Variants in SKI observed in about 807,000 individuals in gnomAD.
SKI encodes the protein ski oncogene.
A neutral mutation model predicts 59.3 loss-of-function variants in SKI; 23 were observed. The ratio of observed to expected loss-of-function variants is 0.39; its 90% CI spans 0.28 to 0.55. SKI has a LOEUF of 0.55. Ranked by LOEUF, SKI falls within the 20% of genes least tolerant of loss-of-function variation. The pLI, the probability that SKI is intolerant of heterozygous loss-of-function variation, is 0.67. For synonymous variants in SKI, 673 were observed against 488.6 expected, an observed-to-expected ratio of 1.38 and a Z score of -4.98; for missense variants, 1,017 against 1,038.9, an observed-to-expected ratio of 0.98 and a Z score of 0.29.
Position 2,304,375 on chromosome 1 carries a change from T to C in SKI, c.1557T>C (p.Arg519=). The C allele has an allele frequency of 1.3e-6, 2 of 1,551,892 alleles. No homozygotes were observed. The highest frequency in any genetic ancestry group is 1.2e-5 in the South Asian group (1 of 84,138). Residue 519 remains arginine, a synonymous_variant, in exon 5 of 7, where the codon CGT becomes CGC. Coordinates refer to ENST00000378536, the MANE Select transcript of SKI (RefSeq NM_003036.4). ...AGGACCTGGGCTCCCCGGGTGCGCG[T>C]GCCCTGCCCTCGGCCGTCCCTGATG... ...SAKDLGSPGA[R]ALPSAVPDAA...
chr1:2,261,847 A>G (rs1250919727), intron 1 of SKI, among the ~76,000 whole-genome samples: 1,081 of 76,070 alleles, frequency 0.014, no homozygotes, highest in Middle Eastern at 0.065. Context: ...CAGAGTTTGG[A>G]TGGGAGTGGT....
At chr1:2,251,880 C>T (rs1299624452) in intron 1 of SKI, among the ~76,000 whole-genome samples, 1 of 152,234 alleles carries the variant, frequency 6.6e-6, no homozygotes, top group African/African-American at 2.4e-5. Context: ...TCCCTCCCCG[C>T]CCCTTGGCTC....
intron 1 of SKI, among the ~76,000 whole-genome samples, chr1:2,275,441 T>A (rs1257086606): frequency 6.6e-6 from 1 of 152,172 alleles, no homozygotes; most frequent in Non-Finnish European, 1.5e-5. Context: ...GTGGGCAGCT[T>A]TGCCCTTCGT....
chr1:2,305,759 G>A (rs1217678253), intron 5 of SKI, among the ~76,000 whole-genome samples: 1 of 152,200 alleles, frequency 6.6e-6, no homozygotes, highest in African/African-American at 2.4e-5. Flanking sequence ...GGGAGGCCCC[G>A]CCGCAGCCTC....
At chr1:2,260,426 C>T (rs1270376355) in intron 1 of SKI, among the ~76,000 whole-genome samples, 1 of 151,944 alleles carries the variant, frequency 6.6e-6, no homozygotes, top group African/African-American at 2.4e-5. Flanking sequence ...ACATTTGCGC[C>T]TTACGTAGAC....
At chr1:2,278,045 C>G (rs1349476614) in intron 1 of SKI, among the ~76,000 whole-genome samples, 1 of 152,268 alleles carries the variant, frequency 6.6e-6, no homozygotes, top group Non-Finnish European at 1.5e-5. Context: ...CTCCCGATGG[C>G]TTCGGCTTGC....
chr1:2,283,006 G>A (rs899877476), intron 1 of SKI, among the ~76,000 whole-genome samples: 14 of 152,146 alleles, frequency 9.2e-5, no homozygotes, highest in Admixed American at 1.3e-4. Flanking sequence ...AGCCAGTCTC[G>A]GACCCTCATC....
At chr1:2,230,824 T>C (rs1476848206) in intron 1 of SKI, among the ~76,000 whole-genome samples, 2 of 152,224 alleles carry the variant, frequency 1.3e-5, no homozygotes, top group African/African-American at 4.8e-5. Context: ...AAACTTTTTT[T>C]TTCTAAATCT....
chr1:2,294,402 C>T (rs1216968113), intron 1 of SKI, among the ~76,000 whole-genome samples: 1 of 152,274 alleles, frequency 6.6e-6, no homozygotes, highest in African/African-American at 2.4e-5. Context: ...CAAATGGCTG[C>T]CCCCATCCAG....
intron 1 of SKI, among the ~76,000 whole-genome samples, chr1:2,285,672 C>T (rs1640023872): frequency 6.6e-6 from 1 of 150,466 alleles, no homozygotes; most frequent in Admixed American, 6.6e-5. Context: ...TCAGGCAGTT[C>T]TCTGCCTCAG....
In SKI at chr1:2,308,584, A is replaced by G. The variant is rs540292300; in HGVS notation, c.*1819A>G. On this transcript the variant is annotated 3_prime_UTR_variant, in exon 7 of 7. Coordinates refer to ENST00000378536, the MANE Select transcript of SKI (RefSeq NM_003036.4). ...ATGCAACATGCAGAATGCTGTTTTT[A>G]GCCTTGTTTTACCAGAGTTGTTTTT... The G allele has an allele frequency of 6.6e-6, 1 of 151,634 alleles. No homozygotes were observed. The highest frequency in any genetic ancestry group is 2.1e-4 in the South Asian group (1 of 4,796). 9.4% of individuals were successfully genotyped at this position (151,634 alleles called of 1,614,324 possible).
chr1:2,253,876 T>C (rs1639219409), intron 1 of SKI, among the ~76,000 whole-genome samples: 1 of 152,168 alleles, frequency 6.6e-6, no homozygotes, highest in African/African-American at 2.4e-5. Flanking sequence ...ATGCTGGACT[T>C]GCTGAGGGTT....
At chr1:2,245,785 C>CTTAT in intron 1 of SKI, among the ~76,000 whole-genome samples, 1 of 93,852 alleles carries the variant, frequency 1.1e-5, no homozygotes, top group South Asian at 4.1e-4. Context: ...CCTATTTTTC[C>CTTAT]TTCTTTTTTT....
intron 1 of SKI, among the ~76,000 whole-genome samples, chr1:2,301,710 C>T (rs1176629218): frequency 6.6e-6 from 1 of 151,740 alleles, no homozygotes; most frequent in Non-Finnish European, 1.5e-5. Flanking sequence ...GTGGGAAGAG[C>T]CCCCGGCCCT....
intron 1 of SKI, among the ~76,000 whole-genome samples, chr1:2,235,572 G>A (rs1050681333): frequency 4.6e-5 from 7 of 152,204 alleles, no homozygotes; most frequent in Admixed American, 2.0e-4. Context: ...GAAGGGCCCC[G>A]CTTCCCAGAG....
intron 1 of SKI, among the ~76,000 whole-genome samples, chr1:2,249,630 G>C (rs1476353854): frequency 6.6e-6 from 1 of 152,192 alleles, no homozygotes; most frequent in Non-Finnish European, 1.5e-5. Context: ...CTCCCCACCT[G>C]CTGCTGTTGG....
chr1:2,229,810 TCTCCGAAGGCTGGGAC>T lies in SKI; in HGVS notation c.969+78_969+93del. 6.5e-7 allele frequency: 1 copy of T among 1,547,316 alleles called. No individual in the cohort carries two copies. Among genetic ancestry groups the T allele is most frequent in the Non-Finnish European group, 8.7e-7 (1 of 1,145,704 alleles). ...GCCCCTTCTGGACTACAGGCTCTGG[TCTCCGAAGGCTGGGAC>T]CTGTGCTTCTGCCGTGCCCCATGTC... On this transcript the variant is annotated intron_variant, in intron 1 of 6. Coordinates refer to ENST00000378536, the MANE Select transcript of SKI (RefSeq NM_003036.4). The surrounding 1 kb of genome is among the most constrained non-coding windows in gnomAD (Gnocchi z 6.3).
At chr1:2,264,249 A>G (rs1466512043) in intron 1 of SKI, among the ~76,000 whole-genome samples, 1 of 151,816 alleles carries the variant, frequency 6.6e-6, no homozygotes, top group Admixed American at 6.6e-5. Flanking sequence ...AAAAGTTTCA[A>G]TTTTTTTTGT....
chr1:2,283,000 A>G (rs1286731714), intron 1 of SKI, among the ~76,000 whole-genome samples: 3 of 152,242 alleles, frequency 2.0e-5, no homozygotes, highest in Admixed American at 6.5e-5. Context: ...GACGGGAGCC[A>G]GTCTCGGACC....
Sources: allele counts gnomAD v4.1 joint callset (sites outside exome capture counted in the v4.1 genomes callset), GRCh38; gene constraint gnomAD v4.1.1; non-coding constraint Gnocchi (gnomAD v3.1); transcripts MANE v1.5; gene names NCBI Gene and HGNC (gene_info 2026-07-23, HGNC 2026-07-21).